GRK5: variants seen among roughly 807,000 people sequenced by gnomAD.
GRK5 encodes G protein-coupled receptor kinase 5, also known as g protein-coupled receptor kinase GRK5.
Under a neutral mutation model 78.4 loss-of-function variants are expected in GRK5, and 40 were observed. The observed-to-expected ratio is 0.51, with a 90% CI of 0.40 to 0.66. GRK5 has a LOEUF of 0.66. Ranked by LOEUF, GRK5 falls within the 30% of genes least tolerant of loss-of-function variation. GRK5 has a pLI of 0.00. For synonymous variants in GRK5, 289 were observed against 296.8 expected, an observed-to-expected ratio of 0.97 and a Z score of 0.27; for missense variants, 598 against 759.9, an observed-to-expected ratio of 0.79 and a Z score of 2.50.
At chr10:119,303,956 G>C (rs548179204) in intron 1 of GRK5, among the ~76,000 whole-genome samples, 1 of 152,252 alleles carries the variant, frequency 6.6e-6, no homozygotes, top group African/African-American at 2.4e-5. Context: ...CAGGGTCCTT[G>C]CCTACCCTAA....
At chr10:119,262,804 G>A (rs1408058439) in intron 1 of GRK5, among the ~76,000 whole-genome samples, 1 of 152,128 alleles carries the variant, frequency 6.6e-6, no homozygotes, top group Non-Finnish European at 1.5e-5. Context: ...CTGACTTGCT[G>A]GCTTTGTGAT....
In GRK5 at chr10:119,253,319, G is replaced by A. The variant is rs1428183442; in HGVS notation, c.52+45350G>A. Reference sequence around the variant, plus strand: ...CCAGTTCAGCATTGCATTAGAAAAGGAATTACATCAGGTCACTGATGTCTT... The same window carrying A: ...CCAGTTCAGCATTGCATTAGAAAAGAAATTACATCAGGTCACTGATGTCTT... On this transcript the variant is annotated intron_variant, in intron 1 of 15. Coordinates refer to ENST00000392870, the MANE Select transcript of GRK5 (RefSeq NM_005308.3). This position sits in a 1 kb window ranked among gnomAD's most constrained non-coding sequence, Gnocchi z 5.7. 1.3e-5 allele frequency among the ~76,000 whole-genome samples: 2 copies of A among 152,154 alleles called. No individual in the cohort carries two copies. Among genetic ancestry groups the A allele is most frequent in the African/African-American group, 4.8e-5 (2 of 41,438 alleles).
intron 1 of GRK5, among the ~76,000 whole-genome samples, chr10:119,301,973 A>C (rs1850190317): frequency 6.6e-6 from 1 of 152,216 alleles, no homozygotes; most frequent in African/African-American, 2.4e-5. Context: ...GTACAAGCAG[A>C]GTTGCACTTT....
intron 2 of GRK5, among the ~76,000 whole-genome samples, chr10:119,338,635 A>T (rs1850933736): frequency 6.6e-6 from 1 of 152,128 alleles, no homozygotes; most frequent in Non-Finnish European, 1.5e-5. Context: ...AAAACTTCCC[A>T]TCTCATGGGC....
intron 9 of GRK5, among the ~76,000 whole-genome samples, chr10:119,439,385 A>G (rs879807900): frequency 6.6e-6 from 1 of 152,204 alleles, no homozygotes; most frequent in Non-Finnish European, 1.5e-5. Context: ...TTCTGCCTTC[A>G]GGGCTTCCTG....
chr10:119,444,496 A>T (rs1853104275), intron 12 of GRK5, among the ~76,000 whole-genome samples: 1 of 152,022 alleles, frequency 6.6e-6, no homozygotes, highest in South Asian at 2.1e-4. Flanking sequence ...TTGTGGGGAG[A>T]TGGCCACTTC....
At chr10:119,450,056 A>G (rs1196584464) in intron 13 of GRK5, among the ~76,000 whole-genome samples, 2 of 152,176 alleles carry the variant, frequency 1.3e-5, no homozygotes, top group Admixed American at 6.5e-5. Flanking sequence ...GCCACATGCA[A>G]GGAGTGTGTT....
intron 1 of GRK5, among the ~76,000 whole-genome samples, chr10:119,261,238 G>T (rs1256194988): frequency 6.8e-6 from 1 of 146,588 alleles, no homozygotes; most frequent in African/African-American, 2.5e-5. Context: ...GCCGGGCAGA[G>T]ACACTCCTCA....
rs1172287334 is a variant in GRK5 at position 119,459,697 on chromosome 10, A to C, written c.*4630A>C. On this transcript the variant is annotated 3_prime_UTR_variant, in exon 16 of 16. Coordinates refer to ENST00000392870, the MANE Select transcript of GRK5 (RefSeq NM_005308.3). Reference sequence around the variant, plus strand: ...TCACAGTGCCGCTGGATCTAGATGGAGCCACTGTTGTTGTTTTTAAAAGAG... The same window carrying C: ...TCACAGTGCCGCTGGATCTAGATGGCGCCACTGTTGTTGTTTTTAAAAGAG... The C allele has an allele frequency of 6.6e-6, 1 of 152,188 alleles. No homozygotes were observed. The highest frequency in any genetic ancestry group is 2.4e-5 in the African/African-American group (1 of 41,444). The allele number at this position is 152,188 out of a possible 1,614,324, so 9.4% of individuals were successfully genotyped here. A position where few individuals can be genotyped will look rare whatever the true frequency, so the allele number is the denominator to read the frequency against.
chr10:119,316,861 G>A (rs888082678), intron 1 of GRK5, among the ~76,000 whole-genome samples: 8 of 152,062 alleles, frequency 5.3e-5, no homozygotes, highest in East Asian at 1.9e-4. Flanking sequence ...CTGGCCCCCC[G>A]TCCCTCCCTG....
chr10:119,273,579 G>T (rs1169120324), intron 1 of GRK5, among the ~76,000 whole-genome samples: 5 of 152,232 alleles, frequency 3.3e-5, no homozygotes, highest in Admixed American at 3.3e-4. Flanking sequence ...CAGGCCACAA[G>T]TGTGGATGGG....
At chr10:119,355,543 G>A (rs933679247) in intron 2 of GRK5, among the ~76,000 whole-genome samples, 32 of 152,360 alleles carry the variant, frequency 2.1e-4, no homozygotes, top group African/African-American at 7.7e-4. Context: ...CACTTTGGGA[G>A]GCCAAGGTGG....
In GRK5 at chr10:119,378,701, G is replaced by T. The variant is rs554074845; in HGVS notation, c.149-2114G>T. On this transcript the variant is annotated intron_variant, in intron 2 of 15. Coordinates refer to ENST00000392870, the MANE Select transcript of GRK5 (RefSeq NM_005308.3). The surrounding 1 kb of genome is among the most constrained non-coding windows in gnomAD (Gnocchi z 4.5). ...CTCCGTGGGCTCTCGCTGCGTGGGG[G>T]GAAGGCGGTCTCAGCAGCCCTCGGC... Among the ~76,000 whole-genome samples the T allele has an allele frequency of 4.6e-5, 7 of 152,356 alleles. No individual in the cohort carries two copies. Among genetic ancestry groups the T allele is most frequent in the African/African-American group, 1.7e-4 (7 of 41,584 alleles).
intron 1 of GRK5, among the ~76,000 whole-genome samples, chr10:119,230,210 G>T (rs1477564696): frequency 6.6e-6 from 1 of 152,162 alleles, no homozygotes; most frequent in Non-Finnish European, 1.5e-5. Flanking sequence ...AGCCGGCCAG[G>T]TACGGTAGCT....
In GRK5 at chr10:119,430,855, C is replaced by T. The variant is rs1380079939; in HGVS notation, c.597+417C>T. On this transcript the variant is annotated intron_variant, in intron 7 of 15. Transcript: ENST00000392870. This position sits in a 1 kb window ranked among gnomAD's most constrained non-coding sequence, Gnocchi z 4.5. ...CGATCTTCCCAGCATGTGAGGCAAG[C>T]CTTGTTATTCCCATTTTAGAGATGA... is the stretch of plus-strand genomic sequence containing the variant. Among the ~76,000 whole-genome samples the T allele has an allele frequency of 6.6e-6, 1 of 152,174 alleles. No homozygotes were observed. Among genetic ancestry groups the T allele is most frequent in the Non-Finnish European group, 1.5e-5 (1 of 68,032 alleles).
chr10:119,288,584 G>A (rs562237447), intron 1 of GRK5, among the ~76,000 whole-genome samples: 3 of 152,344 alleles, frequency 2.0e-5, no homozygotes, highest in Non-Finnish European at 4.4e-5. Context: ...CATCTCTGCT[G>A]TACCTCACTG....
chr10:119,245,465 C>T (rs558483748), intron 1 of GRK5, among the ~76,000 whole-genome samples: 11 of 152,210 alleles, frequency 7.2e-5, no homozygotes, highest in African/African-American at 2.4e-4. Flanking sequence ...GGAAATCCTG[C>T]CATAGCCACA....
intron 2 of GRK5, among the ~76,000 whole-genome samples, chr10:119,375,462 GC>G (rs1851609255): frequency 6.6e-6 from 1 of 152,280 alleles, no homozygotes; most frequent in Middle Eastern, 3.4e-3. Context: ...AGGATGTCTT[GC>G]CCCCTCTGCC....
intron 1 of GRK5, among the ~76,000 whole-genome samples, chr10:119,294,830 G>A (rs1002847243): frequency 6.6e-6 from 1 of 152,188 alleles, no homozygotes; most frequent in Non-Finnish European, 1.5e-5. Context: ...TGGCAGAACA[G>A]GGTAGTCTTG....
Sources: allele counts gnomAD v4.1 joint callset (sites outside exome capture counted in the v4.1 genomes callset), GRCh38; gene constraint gnomAD v4.1.1; non-coding constraint Gnocchi (gnomAD v3.1); transcripts MANE v1.5; gene names NCBI Gene and HGNC (gene_info 2026-07-23, HGNC 2026-07-21).